PRPS2: variants seen among roughly 807,000 people sequenced by gnomAD.
PRPS2 encodes phosphoribosyl pyrophosphate synthetase 2, also known as ribose-phosphate pyrophosphokinase 2.
For synonymous variants in PRPS2, 111 were observed against 115.3 expected (o/e 0.96, Z 0.24); for missense variants, 104 against 271.5 (o/e 0.38, Z 4.34).
At chrX:12,817,468 T>TGAAA (rs1555903712) in intron 4 of PRPS2, among the ~76,000 whole-genome samples, 2 of 67,276 alleles carry the variant, frequency 3.0e-5, no homozygotes, top group Non-Finnish European at 2.7e-5. Context: ...ATGTTCCTCA[T>TGAAA]AAAAAAAAAA....
chrX:12,814,734 A>G (rs1468014920), intron 4 of PRPS2, among the ~76,000 whole-genome samples: 1 of 112,208 alleles, frequency 8.9e-6, no homozygotes, highest in Non-Finnish European at 1.9e-5. Flanking sequence ...GTGTCAACCT[A>G]AAAGTGGTAT....
Position 12,799,372 on chromosome X carries a change from A to G in PRPS2, c.288A>G (p.Arg96=). The change falls in exon 2 of 7, where the codon CGA becomes CGG. Residue 96 remains arginine, a synonymous_variant. Transcript: ENST00000380668. ...TGATCCCGTGTTTCCCATACGCCCGACAAGATAAAAAGGACAAGGTAGGAG... is the reference window on the plus strand; with the variant it reads ...TGATCCCGTGTTTCCCATACGCCCGGCAAGATAAAAAGGACAAGGTAGGAG... ...TAVIPCFPYA[R]QDKKDKSRAP... 8.3e-7 allele frequency: 1 copy of G among 1,211,473 alleles called. No homozygotes were observed. Among genetic ancestry groups the G allele is most frequent in the Non-Finnish European group, 1.1e-6 (1 of 895,426 alleles).
intron 2 of PRPS2, among the ~76,000 whole-genome samples, chrX:12,803,677 A>G (rs1452622151): frequency 8.9e-6 from 1 of 112,437 alleles, no homozygotes; most frequent in Non-Finnish European, 1.9e-5. Flanking sequence ...AGGATCCTCA[A>G]TGTCATCACA....
At chrX:12,802,624 C>T (rs1731463) in intron 2 of PRPS2, among the ~76,000 whole-genome samples, 1 of 111,207 alleles carries the variant, frequency 9.0e-6, no homozygotes, top group African/African-American at 3.3e-5. Flanking sequence ...CAGGCATGAG[C>T]CATCGCGCCC....
chrX:12,795,602 T>C (rs2042539228), intron 1 of PRPS2, among the ~76,000 whole-genome samples: 1 of 111,692 alleles, frequency 9.0e-6, no homozygotes, highest in South Asian at 3.7e-4. Context: ...GAGAGCATAT[T>C]TGAGAGAGAG....
intron 1 of PRPS2, 42 bp downstream of exon 1, chrX:12,791,661 C>G (rs2042519087): frequency 2.1e-6 from 2 of 943,559 alleles, no homozygotes; most frequent in Non-Finnish European, 2.7e-6. Flanking sequence ...GAGCGCTGGG[C>G]ACGCGGCTGC....
At chrX:12,793,286 T>C (rs2042528634) in intron 1 of PRPS2, among the ~76,000 whole-genome samples, 1 of 112,622 alleles carries the variant, frequency 8.9e-6, no homozygotes, top group African/African-American at 3.2e-5. Flanking sequence ...CTAAGGAGCA[T>C]GGTTAATCTA....
chrX:12,817,645 C>T (rs193175737), intron 4 of PRPS2, among the ~76,000 whole-genome samples: 1 of 111,110 alleles, frequency 9.0e-6, no homozygotes, highest in South Asian at 3.8e-4. Context: ...AAAGGTGGAA[C>T]CAACCTGAGT....
intron 4 of PRPS2, among the ~76,000 whole-genome samples, chrX:12,818,102 C>A (rs925582014): frequency 1.2e-4 from 13 of 111,322 alleles, no homozygotes; most frequent in African/African-American, 3.9e-4. Flanking sequence ...GGCACAGTGG[C>A]TCATGTCCGT....
chrX:12,817,468 T>TTAAA (rs1555903712), intron 4 of PRPS2, among the ~76,000 whole-genome samples: 9 of 67,274 alleles, frequency 1.3e-4, no homozygotes, highest in African/African-American at 4.6e-4. Context: ...ATGTTCCTCA[T>TTAAA]AAAAAAAAAA....
chrX:12,809,470 TGATATTAGTACTTCCA>T, intron 3 of PRPS2, 138 bp downstream of exon 3: 2 of 634,743 alleles, frequency 3.2e-6, no homozygotes, highest in Non-Finnish European at 4.8e-6. Context: ...AAATATAATT[TGATATTAGTACTTCCA>T]GTCTCTATCA....
At chrX:12,797,003 T>G (rs2042547908) in intron 1 of PRPS2, among the ~76,000 whole-genome samples, 1 of 109,833 alleles carries the variant, frequency 9.1e-6, no homozygotes, top group Admixed American at 9.8e-5. Context: ...AAGTTTCGGA[T>G]TTCAGAATTT....
chrX:12,821,261 A>G (rs1328990477), intron 6 of PRPS2, among the ~76,000 whole-genome samples: 1 of 112,188 alleles, frequency 8.9e-6, no homozygotes, highest in East Asian at 2.8e-4. Flanking sequence ...CTACGATGGA[A>G]TACTATTCAG....
chrX:12,802,143 C>G (rs73633508), intron 2 of PRPS2, among the ~76,000 whole-genome samples: 1,963 of 111,705 alleles, frequency 0.018, 48 homozygotes, highest in African/African-American at 0.06. Flanking sequence ...CCTCTTTTTA[C>G]AAAGTTGTAT....
rs141321528 is a variant in PRPS2, at chrX:12,821,784, G to A, written c.865-920G>A. 4.9e-3 allele frequency among the ~76,000 whole-genome samples: 555 copies of A among 112,255 alleles called. 2 individuals are homozygous for A. The highest frequency in any genetic ancestry group is 8.3e-3 in the Non-Finnish European group (440 of 53,210). On this transcript the variant is annotated intron_variant, in intron 6 of 6. Coordinates refer to ENST00000380668, the MANE Select transcript of PRPS2 (RefSeq NM_002765.5). ...GATCTTCAGAGCTTTGCTCCTTCCC[G>A]TCCCTGCTGATTGGATGCCGACGGG...
rs145566223 is a variant in PRPS2, at chrX:12,804,681, G to A, written c.307-4553G>A. On this transcript the variant is annotated intron_variant, in intron 2 of 6. Transcript: ENST00000380668. The stretch of plus-strand genomic sequence containing the variant: ...GATGAGGAGACCAAGCATGATTGGG[G>A]TGGGGGGTGAGGGTTAGGGGAAATG... 4.8e-3 allele frequency among the ~76,000 whole-genome samples: 534 copies of A among 111,168 alleles called. 6 individuals carry two copies. The highest frequency in any genetic ancestry group is 0.017 in the African/African-American group (519 of 30,585).
At position 12,809,251 on chromosome X, in the gene PRPS2, T is replaced by C; in HGVS notation, c.324T>C (p.Ser108=). ...DKKDKSRAPI[S]AKLVANMLSV... The stretch of plus-strand genomic sequence containing the variant: ...ACTTGTAGAGTCGTGCCCCAATTTC[T>C]GCAAAACTTGTGGCCAATATGCTGT... The change falls in exon 3 of 7, where the codon TCT becomes TCC. Residue 108 remains serine, a synonymous_variant. Coordinates refer to ENST00000380668, the MANE Select transcript of PRPS2 (RefSeq NM_002765.5). The C allele has an allele frequency of 8.3e-7, 1 of 1,210,634 alleles. No homozygotes were observed. Among genetic ancestry groups the C allele is most frequent in the Non-Finnish European group, 1.1e-6 (1 of 895,141 alleles).
chrX:12,820,548 T>C, intron 5 of PRPS2, 96 bp from the exon 6 acceptor site: 1 of 947,347 alleles, frequency 1.1e-6, no homozygotes, highest in South Asian at 2.7e-5. Flanking sequence ...ATTTTTCTTT[T>C]ACGGAGCACA....
Position 12,823,093 on chromosome X carries a change from C to A in PRPS2, c.*297C>A. ...GATCTCTTCCTTTGTTCTTTCAGTA[C>A]TTTGAGGCGACAACTTTCAAGTATA... On this transcript the variant is annotated 3_prime_UTR_variant, in exon 7 of 7. Coordinates refer to ENST00000380668, the MANE Select transcript of PRPS2 (RefSeq NM_002765.5). The A allele has an allele frequency of 4.3e-6, 1 of 233,283 alleles. No individual in the cohort carries two copies. The highest frequency in any genetic ancestry group is 7.6e-6 in the Non-Finnish European group (1 of 132,001). 19.2% of individuals were successfully genotyped at this position (233,283 alleles called of 1,213,427 possible). A position where few individuals can be genotyped will look rare whatever the true frequency, so the allele number is the denominator to read the frequency against.
Sources: gnomAD v4.1 joint callset for allele counts (sites outside exome capture counted in the v4.1 genomes callset) on GRCh38, gnomAD v4.1.1 for gene constraint, MANE v1.5 for transcripts, NCBI Gene and HGNC (gene_info 2026-07-23, HGNC 2026-07-21) for gene names.